The following OTOA variants were observed in gnomAD, a reference collection of about 807,000 sequenced individuals.
OTOA encodes cancer/testis antigen 108.
OTOA carries 70 observed loss-of-function variants against 110.8 expected under a neutral mutation model. That is an observed-to-expected ratio of 0.63 (90% CI 0.52 to 0.77). The LOEUF (loss-of-function observed/expected upper bound fraction) is 0.77. Ranked by LOEUF, OTOA falls within the 30% of genes least tolerant of loss-of-function variation. The pLI is 0.00. For synonymous variants in OTOA, 373 were observed against 431.5 expected (o/e 0.86, Z 1.68); for missense variants, 917 against 1,075.8 (o/e 0.85, Z 2.06).
chr16:21,691,233 G>C (rs1236374883), intron 8 of OTOA, among the ~76,000 whole-genome samples: 1 of 152,042 alleles, frequency 6.6e-6, no homozygotes, highest in African/African-American at 2.4e-5. Context: ...CATTTGGGTT[G>C]GTTCCAAGTC....
chr16:21,679,670 G>A (rs528319303), intron 5 of OTOA, among the ~76,000 whole-genome samples: 1 of 152,168 alleles, frequency 6.6e-6, no homozygotes, highest in African/African-American at 2.4e-5. Flanking sequence ...CTCCCAAAGT[G>A]CTGGGATTAC....
In OTOA at chr16:21,707,463, A is replaced by G. The variant is rs74333329; in HGVS notation, c.1104+2171A>G. Among the ~76,000 whole-genome samples the G allele has an allele frequency of 7.6e-3, 1,158 of 151,994 alleles. 34 individuals are homozygous for G. Among genetic ancestry groups the G allele is most frequent in the East Asian group, 0.049 (249 of 5,128 alleles). On this transcript the variant is annotated intron_variant, in intron 12 of 28. Coordinates refer to ENST00000646100, the MANE Select transcript of OTOA (RefSeq NM_144672.4). ...ATCAGGGACCGGTTTTGTGGAAGAC[A>G]ATTTTTTTCCGTGGACTGGGGCCGG...
intron 4 of OTOA, 29 bp from the exon 5 acceptor site, chr16:21,679,155 G>A (rs765116960): frequency 3.1e-6 from 5 of 1,613,762 alleles, no homozygotes; most frequent in Non-Finnish European, 4.2e-6. Context: ...TCCTTTTAAA[G>A]ATGTCTTTTC....
intron 5 of OTOA, among the ~76,000 whole-genome samples, chr16:21,681,175 AT>A (rs1339547185): frequency 6.6e-6 from 1 of 152,180 alleles, no homozygotes; most frequent in Non-Finnish European, 1.5e-5. Flanking sequence ...ATCTAAGCAG[AT>A]TGTTACGGGA....
At chr16:21,705,981 T>C (rs1898158455) in intron 12 of OTOA, among the ~76,000 whole-genome samples, 1 of 151,320 alleles carries the variant, frequency 6.6e-6, no homozygotes, top group African/African-American at 2.4e-5. Flanking sequence ...TGCCAGCTAC[T>C]TGGGAGGCTG....
chr16:21,697,037 C>CTTTTT (rs56124254), intron 9 of OTOA, among the ~76,000 whole-genome samples: 890 of 65,078 alleles, frequency 0.014, 8 homozygotes, highest in African/African-American at 0.015. Flanking sequence ...CTACAGCTGG[C>CTTTTT]TTTTTTTTTT....
At chr16:21,704,524 G>C (rs939623425) in intron 11 of OTOA, among the ~76,000 whole-genome samples, 12 of 152,158 alleles carry the variant, frequency 7.9e-5, no homozygotes, top group African/African-American at 2.9e-4. Context: ...GCTGTAATGA[G>C]ATAATGCAGG....
chr16:21,665,061 G>A lies in OTOA; in HGVS notation c.-5+829G>A, dbSNP rs546056084. On this transcript the variant is annotated intron_variant, in intron 1 of 28. Transcript: ENST00000646100. ...TTTGCCAGGGAGGTATGAGTGCCATGCCTACTATGCAGAGGAGGAAATGCA... is the reference window on the plus strand; with the variant it reads ...TTTGCCAGGGAGGTATGAGTGCCATACCTACTATGCAGAGGAGGAAATGCA... Among the ~76,000 whole-genome samples, 11 of 152,290 alleles carry A rather than the reference G, an allele frequency of 7.2e-5. No individual in the cohort carries two copies. The South Asian group carries it at 2.3e-3, about 32-fold the overall frequency.
rs773548464 is a variant in OTOA at position 21,717,050 on chromosome 16, A to AAC, written c.1629+3_1629+4insAC. ...ATAAGGAACTTGGAAGGAGCCAGGT[A>AAC]TTACCATGAAACACAGATCGATCCT... On this transcript the variant is annotated splice_donor_region_variant and intron_variant, in intron 15 of 28. Transcript: ENST00000646100. 6.2e-7 allele frequency: 1 copy of AAC among 1,614,082 alleles called. No individual in the cohort carries two copies. Among genetic ancestry groups the AAC allele is most frequent in the Admixed American group, 1.7e-5 (1 of 60,018 alleles).
intron 1 of OTOA, among the ~76,000 whole-genome samples, chr16:21,669,144 G>T (rs554470228): frequency 1.2e-4 from 19 of 152,170 alleles, no homozygotes; most frequent in Admixed American, 1.2e-3. Flanking sequence ...ATGAGTTTGA[G>T]ACCAGCCTGG....
intron 8 of OTOA, among the ~76,000 whole-genome samples, chr16:21,691,077 G>A (rs1897820609): frequency 6.8e-6 from 1 of 147,380 alleles, no homozygotes; most frequent in Non-Finnish European, 1.5e-5. Flanking sequence ...TTGGTTTTCT[G>A]TCCTTGTGAT....
chr16:21,675,716 G>C (rs1036646606), intron 1 of OTOA, among the ~76,000 whole-genome samples: 3 of 151,752 alleles, frequency 2.0e-5, no homozygotes, highest in Non-Finnish European at 4.4e-5. Flanking sequence ...GTTCCTCTTG[G>C]GGTTTTTTTC....
intron 28 of OTOA, among the ~76,000 whole-genome samples, chr16:21,758,651 T>G (rs1488936254): frequency 3.3e-5 from 5 of 149,704 alleles, no homozygotes; most frequent in Non-Finnish European, 7.4e-5. Context: ...TGGCCAGAGG[T>G]GGCACTTGAA....
chr16:21,679,001 G>C (rs372912040), intron 3 of OTOA, 35 bp from the exon 4 acceptor site: 6 of 1,613,708 alleles, frequency 3.7e-6, no homozygotes, highest in Admixed American at 1.7e-5. Context: ...CCAACTTTTG[G>C]TTGTTATACT....
intron 10 of OTOA, 84 bp downstream of exon 10, chr16:21,697,959 G>T: frequency 8.2e-7 from 1 of 1,212,880 alleles, no homozygotes; most frequent in Non-Finnish European, 1.2e-6. Context: ...TGTTCATCCA[G>T]CCAGTCAAGG....
At chr16:21,728,213 G>A (rs1898986029) in intron 19 of OTOA, 28 bp from the exon 20 acceptor site, 2 of 1,613,548 alleles carry the variant, frequency 1.2e-6, no homozygotes, top group African/African-American at 2.7e-5. Context: ...TGTTGGAACT[G>A]CCCATTGGCT....
intron 20 of OTOA, 42 bp downstream of exon 20, chr16:21,728,473 T>C (rs1216222926): frequency 4.4e-6 from 7 of 1,597,068 alleles, no homozygotes; most frequent in African/African-American, 2.7e-5. Context: ...TGTGGTATGC[T>C]CTGTGGAGGG....
Position 21,687,650 on chromosome 16 carries a change from T to C in OTOA, c.635+2T>C. 6.2e-7 allele frequency: 1 copy of C among 1,606,790 alleles called. No homozygotes were observed. Among genetic ancestry groups the C allele is most frequent in the Non-Finnish European group, 8.5e-7 (1 of 1,177,280 alleles). ...GCGCGAGGATGCCTTTAAGAACCTG[T>C]GAGTGGTTCCTCCGAACTTTTTTTT... On this transcript the variant is annotated splice_donor_variant, in intron 8 of 28. Coordinates refer to ENST00000646100, the MANE Select transcript of OTOA (RefSeq NM_144672.4). LOFTEE classifies it high-confidence loss of function.
intron 24 of OTOA, among the ~76,000 whole-genome samples, chr16:21,749,463 A>G (rs972970720): frequency 6.9e-6 from 1 of 145,026 alleles, no homozygotes; most frequent in African/African-American, 2.5e-5. Flanking sequence ...TGGGGGATGG[A>G]GGTTGCAGTA....
Sources: gnomAD v4.1 joint callset for allele counts (sites outside exome capture counted in the v4.1 genomes callset) on GRCh38, gnomAD v4.1.1 for gene constraint, MANE v1.5 for transcripts, NCBI Gene and HGNC (gene_info 2026-07-23, HGNC 2026-07-21) for gene names.